The following ULK4 variants were observed in gnomAD, a reference collection of about 807,000 sequenced individuals.
ULK4 encodes unc-51 like kinase 4.
A neutral mutation model predicts 160.6 loss-of-function variants in ULK4; 133 were observed. That is an observed-to-expected ratio of 0.83 (90% CI 0.72 to 0.96). The LOEUF is 0.96. ULK4 is among the 40% of genes least tolerant of loss of function. The pLI is 0.00. For missense variants in ULK4, 1,580 were observed against 1,499.5 expected, an observed-to-expected ratio of 1.05 and a Z score of -0.89; for synonymous variants, 534 against 539.8, an observed-to-expected ratio of 0.99 and a Z score of 0.15.
At chr3:41,670,632 TAC>T (rs1180162153) in intron 29 of ULK4, among the ~76,000 whole-genome samples, 1 of 152,038 alleles carries the variant, frequency 6.6e-6, no homozygotes, top group African/African-American at 2.4e-5. Context: ...TATATATACA[TAC>T]ACACACTTTT....
chr3:41,703,010 T>C (rs918597963), intron 27 of ULK4, among the ~76,000 whole-genome samples: 13 of 151,836 alleles, frequency 8.6e-5, no homozygotes, highest in Admixed American at 6.6e-4. Context: ...CACACCACCA[T>C]GCCCAGCTAA....
intron 30 of ULK4, among the ~76,000 whole-genome samples, chr3:41,629,900 G>A (rs952515102): frequency 6.6e-6 from 1 of 152,160 alleles, no homozygotes; most frequent in African/African-American, 2.4e-5. Flanking sequence ...AGGAGGCTGA[G>A]GTAGAAGGAT....
chr3:41,897,620 G>A (rs1698207402), intron 14 of ULK4, among the ~76,000 whole-genome samples: 2 of 152,142 alleles, frequency 1.3e-5, no homozygotes. Context: ...ATTTCCAGGT[G>A]ATAATTCTCT....
intron 21 of ULK4, among the ~76,000 whole-genome samples, chr3:41,757,784 C>T (rs531773767): frequency 3.7e-4 from 56 of 151,906 alleles, no homozygotes; most frequent in Non-Finnish European, 6.9e-4. Context: ...CAGGTGCGTG[C>T]CACCGGCTAA....
intron 32 of ULK4, among the ~76,000 whole-genome samples, chr3:41,542,844 A>C (rs1469760403): frequency 2.6e-5 from 4 of 151,886 alleles, no homozygotes; most frequent in African/African-American, 9.7e-5. Flanking sequence ...GTATGAAAAC[A>C]AAGTTTTTAA....
intron 27 of ULK4, among the ~76,000 whole-genome samples, chr3:41,691,093 C>T (rs1045032750): frequency 2.0e-5 from 3 of 151,910 alleles, no homozygotes; most frequent in Admixed American, 6.6e-5. Flanking sequence ...AGTTAGGTGA[C>T]TGGGCTCAAC....
At chr3:41,852,353 A>T (rs1044169181) in intron 17 of ULK4, among the ~76,000 whole-genome samples, 11 of 152,234 alleles carry the variant, frequency 7.2e-5, no homozygotes, top group African/African-American at 2.4e-4. Flanking sequence ...CAATCTTGCC[A>T]TGCAGACTAA....
chr3:41,460,027 G>A (rs76865427), intron 33 of ULK4, among the ~76,000 whole-genome samples: 4,564 of 152,234 alleles, frequency 0.03, 220 homozygotes, highest in African/African-American at 0.1. Flanking sequence ...TATGGTGAAG[G>A]CCAACGAGGG....
At chr3:41,814,058 G>GTAGC (rs1329373116) in intron 19 of ULK4, among the ~76,000 whole-genome samples, 1 of 152,192 alleles carries the variant, frequency 6.6e-6, no homozygotes, top group African/African-American at 2.4e-5. Context: ...CACACACAAT[G>GTAGC]TAGCATTTTC....
chr3:41,595,645 CCACAGAAGCCAA>C (rs2031642734), intron 31 of ULK4, among the ~76,000 whole-genome samples: 1 of 152,050 alleles, frequency 6.6e-6, no homozygotes, highest in East Asian at 1.9e-4. Flanking sequence ...GGGTGTAGTG[CCACAGAAGCCAA>C]CACAGAAGAA....
chr3:41,304,924 C>T (rs143756805), intron 35 of ULK4, among the ~76,000 whole-genome samples: 3 of 152,280 alleles, frequency 2.0e-5, no homozygotes, highest in African/African-American at 7.2e-5. Flanking sequence ...ATAGTGAGAA[C>T]GCAGTATTAT....
intron 35 of ULK4, among the ~76,000 whole-genome samples, chr3:41,344,204 T>C (rs763399827): frequency 3.3e-5 from 5 of 152,036 alleles, no homozygotes; most frequent in Non-Finnish European, 7.4e-5. Flanking sequence ...TCGACAAACT[T>C]GACAAAAACA....
At chr3:41,280,644 G>C (rs1365969053) in intron 35 of ULK4, among the ~76,000 whole-genome samples, 1 of 152,160 alleles carries the variant, frequency 6.6e-6, no homozygotes, top group Non-Finnish European at 1.5e-5. Context: ...GAATCTCTGG[G>C]ACACATTTAA....
intron 35 of ULK4, among the ~76,000 whole-genome samples, chr3:41,291,456 GAAGAAGA>G (rs144761912): frequency 1.7e-3 from 2 of 1,198 alleles, no homozygotes; most frequent in Admixed American, 8.6e-3. Flanking sequence ...AGAGGGGAGG[GAAGAAGA>G]GGAGGGGAAG....
At chr3:41,867,223 A>G (rs909220277) in intron 17 of ULK4, among the ~76,000 whole-genome samples, 1 of 152,178 alleles carries the variant, frequency 6.6e-6, no homozygotes, top group Non-Finnish European at 1.5e-5. Flanking sequence ...ACTGGAACTT[A>G]AAACATTCTT....
chr3:41,278,522 G>A (rs1231202953), intron 35 of ULK4, among the ~76,000 whole-genome samples: 1 of 152,150 alleles, frequency 6.6e-6, no homozygotes, highest in Admixed American at 6.5e-5. Flanking sequence ...GTGTAGCCTG[G>A]CTGGGAGACA....
Position 41,455,577 on chromosome 3 carries a change from C to G in ULK4, c.3412G>C (p.Gly1138Arg). 6.2e-7 allele frequency: 1 copy of G among 1,613,894 alleles called. No individual in the cohort carries two copies. The highest frequency in any genetic ancestry group is 8.5e-7 in the Non-Finnish European group (1 of 1,179,912). ...LALQAQKSGS[G>R]EDPQAAEDLL... ...TCTTCTGCAGCCTGAGGGTCCTCTC[C>G]TGAGCCAGACTTCTGGGCCTGGAAC... is the stretch of plus-strand genomic sequence containing the variant. Residue 1138 changes from glycine (G) to arginine (R), a missense_variant, in exon 34 of 37, where the codon GGA (glycine) becomes CGA (arginine). Gly to Arg is a moderately radical substitution (Grantham distance 125). Coordinates refer to ENST00000301831, the MANE Select transcript of ULK4 (RefSeq NM_017886.4).
intron 32 of ULK4, among the ~76,000 whole-genome samples, chr3:41,481,321 G>A (rs902587180): frequency 3.9e-5 from 6 of 152,152 alleles, no homozygotes; most frequent in Non-Finnish European, 4.4e-5. Context: ...TAACAATGCC[G>A]AGGCAGAGAA....
chr3:41,900,753 A>G lies in ULK4; in HGVS notation c.1259T>C (p.Val420Ala). ...TGGATTGTCGATAATGGGGGTGACA[A>G]CAAGATCTGAGTCCGTGTAGATAAG... The part of the protein sequence containing the change: ...RELIYTDSDL[V>A]VTPIIDNPKI... The change falls in exon 13 of 37, where the codon GTT becomes GCT. Residue 420 changes from valine (V) to alanine (A), a missense_variant. Transcript: ENST00000301831. The G allele has an allele frequency of 6.2e-7, 1 of 1,613,734 alleles. No individual in the cohort carries two copies. Among genetic ancestry groups the G allele is most frequent in the East Asian group, 2.2e-5 (1 of 44,876 alleles).
Sources: gnomAD v4.1 joint callset for allele counts (sites outside exome capture counted in the v4.1 genomes callset) on GRCh38, gnomAD v4.1.1 for gene constraint, MANE v1.5 for transcripts, NCBI Gene and HGNC (gene_info 2026-07-23, HGNC 2026-07-21) for gene names.